RARB: variants seen among roughly 807,000 people sequenced by gnomAD.
RARB encodes the protein HBV-activated protein.
RARB carries 17 observed loss-of-function variants against 51.9 expected under a neutral mutation model. The ratio of observed to expected loss-of-function variants is 0.33; its 90% CI spans 0.22 to 0.49. The LOEUF is 0.49. Among genes scored for constraint, RARB ranks in the 20% least tolerant of loss-of-function variants. The pLI, the probability that RARB is intolerant of heterozygous loss-of-function variation, is 0.99. For synonymous variants in RARB, 215 were observed against 195.4 expected (o/e 1.10, Z -0.84); for missense variants, 369 against 550.8 (o/e 0.67, Z 3.30).
rs4681041 is a variant in RARB at position 25,255,644 on chromosome 3, C to T, written c.178+81069C>T. On this transcript the variant is annotated intron_variant, in intron 5 of 11. Coordinates refer to the RARB transcript ENST00000383772. ...AAGTACTGATAATATAGGTGAAAAA[C>T]AAACTGTAATTTTAGTCTTTGATTG... 3.2e-3 allele frequency among the ~76,000 whole-genome samples: 477 copies of T among 151,356 alleles called. 13 individuals are homozygous for T. The highest frequency in any genetic ancestry group is 0.028 in the Admixed American group (430 of 15,170).
At chr3:25,063,411 A>G (rs1429707105) in intron 3 of RARB, among the ~76,000 whole-genome samples, 1 of 151,986 alleles carries the variant, frequency 6.6e-6, no homozygotes, top group Non-Finnish European at 1.5e-5. Flanking sequence ...ACTCAATTAC[A>G]TTGTTTGCTT....
rs371122717 is a variant in RARB at position 25,452,133 on chromosome 3, G to A, written c.158-9060G>A. ...TCATTAATAAGCAGTTAGATGTGTC[G>A]GCCTGTTAAGTGACTGTAAGAGAGG... On this transcript the variant is annotated intron_variant, in intron 1 of 7. Transcript: ENST00000330688. Among the ~76,000 whole-genome samples the A allele has an allele frequency of 4.5e-4, 69 of 152,186 alleles. 1 individual carries two copies. The South Asian group carries it at 0.013, about 28-fold the overall frequency.
chr3:24,903,364 T>A (rs760201143), intron 2 of RARB, among the ~76,000 whole-genome samples: 5 of 152,178 alleles, frequency 3.3e-5, no homozygotes, highest in Admixed American at 6.5e-5. Context: ...ATCTGTTAGA[T>A]GAGTTGTCCA....
At chr3:25,166,804 C>G (rs962826692) in intron 4 of RARB, among the ~76,000 whole-genome samples, 6 of 152,172 alleles carry the variant, frequency 3.9e-5, no homozygotes, top group African/African-American at 1.4e-4. Context: ...AATAAGGGTC[C>G]TGTCTCCAAG....
chr3:25,088,642 AG>A (rs1699144469), intron 3 of RARB, among the ~76,000 whole-genome samples: 1 of 152,202 alleles, frequency 6.6e-6, no homozygotes, highest in Admixed American at 6.5e-5. Context: ...GACCACCTCA[AG>A]ATGGCTTATC....
chr3:24,880,233 T>C (rs150828363), intron 2 of RARB, among the ~76,000 whole-genome samples: 275 of 152,058 alleles, frequency 1.8e-3, no homozygotes, highest in African/African-American at 6.3e-3. Context: ...TGAGCACATA[T>C]GTATGGCTAT....
intron 2 of RARB, among the ~76,000 whole-genome samples, chr3:24,946,313 C>A (rs1273674493): frequency 2.4e-5 from 3 of 123,844 alleles, no homozygotes; most frequent in Admixed American, 2.3e-4. Flanking sequence ...AGTTGATGGA[C>A]AAATACAGTA....
At chr3:25,343,746 A>T (rs1285739600) in intron 5 of RARB, among the ~76,000 whole-genome samples, 3 of 152,162 alleles carry the variant, frequency 2.0e-5, no homozygotes, top group Non-Finnish European at 4.4e-5. Context: ...CCCCAAAAGG[A>T]TTCCAGGACA....
chr3:25,130,937 A>ATATCAATATTTATTATTGATAATAT (rs1197297193), intron 3 of RARB, among the ~76,000 whole-genome samples: 21 of 64,140 alleles, frequency 3.3e-4, no homozygotes, highest in South Asian at 2.7e-3. Flanking sequence ...ATCATTGATA[A>ATATCAATATTTATTATTGATAATAT]TATCAATATT....
At chr3:24,985,971 T>C (rs1036235163) in intron 2 of RARB, among the ~76,000 whole-genome samples, 5 of 152,252 alleles carry the variant, frequency 3.3e-5, no homozygotes, top group African/African-American at 1.2e-4. Context: ...TGTGTCCATA[T>C]TAAATATGCC....
At chr3:25,189,927 G>T (rs1414247200) in intron 5 of RARB, among the ~76,000 whole-genome samples, 1 of 152,018 alleles carries the variant, frequency 6.6e-6, no homozygotes, top group East Asian at 1.9e-4. Flanking sequence ...TTGGGGCCCA[G>T]CTGTGTGATC....
intron 1 of RARB, among the ~76,000 whole-genome samples, chr3:25,440,192 G>A (rs931803504): frequency 3.3e-5 from 5 of 152,052 alleles, no homozygotes; most frequent in East Asian, 1.9e-4. Flanking sequence ...GACTCATACC[G>A]GAAATTCTAG....
At chr3:25,477,683 G>A (rs757935384) in intron 2 of RARB, among the ~76,000 whole-genome samples, 16 of 152,164 alleles carry the variant, frequency 1.1e-4, no homozygotes, top group Non-Finnish European at 2.4e-4. Context: ...TCTAGAATAA[G>A]CATATGAGGT....
intron 1 of RARB, among the ~76,000 whole-genome samples, chr3:24,829,813 T>A (rs1575026477): frequency 6.6e-6 from 1 of 152,190 alleles, no homozygotes; most frequent in East Asian, 1.9e-4. Context: ...CCCGGCTCCC[T>A]TCGCGTCCCT....
chr3:25,093,543 G>T (rs1369973526), intron 3 of RARB, among the ~76,000 whole-genome samples: 4 of 152,024 alleles, frequency 2.6e-5, no homozygotes, highest in African/African-American at 9.7e-5. Context: ...AGACCACCAG[G>T]CTAGGAAGAT....
At chr3:25,258,003 G>C (rs1255837946) in intron 5 of RARB, among the ~76,000 whole-genome samples, 1 of 152,118 alleles carries the variant, frequency 6.6e-6, no homozygotes, top group Non-Finnish European at 1.5e-5. Flanking sequence ...ACGTTGTAAT[G>C]ATCCATTTGT....
intron 1 of RARB, among the ~76,000 whole-genome samples, chr3:25,431,296 G>T (rs1461929915): frequency 6.6e-6 from 1 of 152,006 alleles, no homozygotes; most frequent in Non-Finnish European, 1.5e-5. Context: ...AGTAAATAAA[G>T]TAAGACCTTT....
intron 3 of RARB, among the ~76,000 whole-genome samples, chr3:25,124,921 T>A (rs1699837904): frequency 6.6e-6 from 1 of 152,188 alleles, no homozygotes; most frequent in Admixed American, 6.5e-5. Context: ...ATGTAATTCA[T>A]TTGGTTAATA....
intron 5 of RARB, among the ~76,000 whole-genome samples, chr3:25,253,978 C>A (rs969121794): frequency 2.2e-4 from 34 of 152,098 alleles, no homozygotes; most frequent in African/African-American, 8.2e-4. Flanking sequence ...CATTGTAGTT[C>A]ATGCATAAGG....
Sources: gnomAD v4.1 joint callset for allele counts (sites outside exome capture counted in the v4.1 genomes callset) on GRCh38, gnomAD v4.1.1 for gene constraint, MANE v1.5 for transcripts, NCBI Gene and HGNC (gene_info 2026-07-23, HGNC 2026-07-21) for gene names.